TRPM3: variants seen among roughly 807,000 people sequenced by gnomAD.
TRPM3 encodes the protein long transient receptor potential channel 3.
In TRPM3, 77 loss-of-function variants were observed where a neutral mutation model predicts 181.2. The observed-to-expected ratio is 0.42, with a 90% CI of 0.35 to 0.51. The LOEUF is 0.51. Ranked by LOEUF, TRPM3 falls within the 20% of genes least tolerant of loss-of-function variation. TRPM3 has a pLI of 0.01. For synonymous variants in TRPM3, 745 were observed against 796.4 expected (o/e 0.94, Z 1.09); for missense variants, 1,759 against 2,196.7 (o/e 0.80, Z 3.98).
intron 9 of TRPM3, among the ~76,000 whole-genome samples, chr9:70,651,770 T>C (rs1471289296): frequency 6.6e-6 from 1 of 152,212 alleles, no homozygotes; most frequent in Non-Finnish European, 1.5e-5. Context: ...TCTTTCTTTC[T>C]TTTTTCTTTA....
intron 1 of TRPM3, among the ~76,000 whole-genome samples, chr9:71,200,603 A>G (rs1431786690): frequency 2.6e-5 from 4 of 152,150 alleles, no homozygotes; most frequent in Admixed American, 6.5e-5. Context: ...CTTCTTGTTG[A>G]ATTGATCCCT....
chr9:70,913,759 C>T (rs919315136), intron 1 of TRPM3, among the ~76,000 whole-genome samples: 1 of 152,068 alleles, frequency 6.6e-6, no homozygotes, highest in African/African-American at 2.4e-5. Context: ...ATACTCTGAG[C>T]AACTCAATGT....
intron 1 of TRPM3, among the ~76,000 whole-genome samples, chr9:70,972,924 A>T (rs1386876111): frequency 2.0e-5 from 3 of 152,116 alleles, no homozygotes. Flanking sequence ...CCATGTTCTG[A>T]CTTTGGAATC....
chr9:71,042,644 A>C (rs1000668549), intron 1 of TRPM3, among the ~76,000 whole-genome samples: 1 of 152,154 alleles, frequency 6.6e-6, no homozygotes, highest in African/African-American at 2.4e-5. Flanking sequence ...AAAAGAAGTG[A>C]CCTTTGGATG....
chr9:71,240,804 C>G (rs529432956), intron 1 of TRPM3, among the ~76,000 whole-genome samples: 89 of 152,166 alleles, frequency 5.8e-4, no homozygotes, highest in Non-Finnish European at 1.1e-3. Context: ...AGTCTGCACT[C>G]TACCCATCCT....
chr9:70,857,314 C>A (rs2095412153), intron 3 of TRPM3, among the ~76,000 whole-genome samples: 1 of 150,552 alleles, frequency 6.6e-6, no homozygotes, highest in Non-Finnish European at 1.5e-5. Context: ...CAATTTTTCT[C>A]TGTCAAGGGC....
In TRPM3 at chr9:70,942,648, A is replaced by T. The variant is rs568442740; in HGVS notation, c.178-78137T>A. 2.0e-5 allele frequency among the ~76,000 whole-genome samples: 3 copies of T among 152,162 alleles called. No homozygotes were observed. In the East Asian group the frequency reaches 5.8e-4, roughly 29 times the overall value. ...TTCCGTGCCTTTTATCTCCACTAGC[A>T]TGGCTCTTCAAGTTCAGAAGCAAAG... On this transcript the variant is annotated intron_variant, in intron 1 of 25. Transcript: ENST00000677713.
Position 70,831,981 on chromosome 9 carries a change from A to ATATATATATATATATATATT in TRPM3, c.802-3964_802-3963insAATATATATATATATATATA, listed in dbSNP as rs1564497373. 6.1e-4 allele frequency among the ~76,000 whole-genome samples: 73 copies of ATATATATATATATATATATT among 119,394 alleles called. 2 individuals carry two copies. The Middle Eastern group carries it at 0.019, about 31-fold the overall frequency. The allele number at this position is 119,394 out of a possible 152,430, so 78.3% of individuals were successfully genotyped here. On this transcript the variant is annotated intron_variant, in intron 5 of 25. Transcript: ENST00000677713. ...CCCATAAATATATATATATATATAT[A>ATATATATATATATATATATT]TATATATATATATATACCTACTATG...
rs989267933 is a variant in TRPM3 at position 70,537,201 on chromosome 9, G to A, written c.3912C>T (p.Ala1304=). 1.2e-5 allele frequency: 19 copies of A among 1,594,478 alleles called. No individual in the cohort carries two copies. Among genetic ancestry groups the A allele is most frequent in the African/African-American group, 5.4e-5 (4 of 74,456 alleles). Residue 1304 remains alanine (A), a synonymous_variant, in exon 26 of 26, where the codon GCC becomes GCT. Coordinates refer to ENST00000677713, the MANE Select transcript of TRPM3 (RefSeq NM_001366145.2). ...AGCTGCTCTGACGGACAATGTAGGC[G>A]GCGTCCGTGCAGTCTGACGAGGTCC... The part of the protein sequence containing the change: ...RSRTSSDCTD[A]AYIVRQSSFN...
At chr9:71,288,748 T>C (rs1532803) in intron 1 of TRPM3, among the ~76,000 whole-genome samples, 44,171 of 151,812 alleles carry the variant, frequency 0.29, 7,132 homozygotes, top group African/African-American at 0.43. Flanking sequence ...TGACTCAGAG[T>C]CTAGATTTTT....
Position 71,134,029 on chromosome 9 carries a change from G to A in TRPM3, c.184-269518C>T, listed in dbSNP as rs1035781980. 1.3e-4 allele frequency among the ~76,000 whole-genome samples: 19 copies of A among 151,608 alleles called. No individual in the cohort carries two copies. The South Asian group carries it at 1.5e-3, about 12-fold the overall frequency. ...TGTGTGTGTGTGCGCGTGCGCGCGC[G>A]CGCGTGTCTGTGTTTGCATCTCAAT... is the stretch of plus-strand genomic sequence containing the variant. On this transcript the variant is annotated intron_variant, in intron 1 of 24. Transcript: ENST00000357533.
At chr9:71,149,069 T>C (rs10116082) in intron 1 of TRPM3, among the ~76,000 whole-genome samples, 35,894 of 151,802 alleles carry the variant, frequency 0.24, 4,965 homozygotes, top group African/African-American at 0.39. Flanking sequence ...AATCAACCAA[T>C]TGTAAAGAGA....
intron 3 of TRPM3, among the ~76,000 whole-genome samples, chr9:70,851,462 C>T (rs1402723021): frequency 1.3e-5 from 2 of 152,130 alleles, no homozygotes; most frequent in Admixed American, 6.5e-5. Flanking sequence ...GAATAAGCCT[C>T]CCTTGATAGA....
chr9:71,115,531 G>T (rs533448696), intron 1 of TRPM3, among the ~76,000 whole-genome samples: 1 of 152,226 alleles, frequency 6.6e-6, no homozygotes, highest in Non-Finnish European at 1.5e-5. Context: ...TTTGGAGCCA[G>T]TTGAGGATAC....
At chr9:71,243,391 G>A (rs1016996772) in intron 1 of TRPM3, among the ~76,000 whole-genome samples, 5 of 152,182 alleles carry the variant, frequency 3.3e-5, no homozygotes, top group Non-Finnish European at 5.9e-5. Context: ...CATCTCCGCT[G>A]TGCAGCTGTC....
chr9:71,341,430 A>G (rs1355130719), intron 1 of TRPM3, among the ~76,000 whole-genome samples: 3 of 152,148 alleles, frequency 2.0e-5, no homozygotes, highest in African/African-American at 4.8e-5. Context: ...TGAGAAGGGC[A>G]TATCACTTCT....
At chr9:71,086,004 TGCCACACA>T (rs2065195057) in intron 1 of TRPM3, among the ~76,000 whole-genome samples, 1 of 151,922 alleles carries the variant, frequency 6.6e-6, no homozygotes, top group Non-Finnish European at 1.5e-5. Flanking sequence ...CACCATAGAA[TGCCACACA>T]GCCACATAAA....
At chr9:70,558,014 A>G (rs2048152226) in intron 22 of TRPM3, among the ~76,000 whole-genome samples, 1 of 152,182 alleles carries the variant, frequency 6.6e-6, no homozygotes, top group African/African-American at 2.4e-5. Context: ...GGAGAAGGTT[A>G]ATCAGTGTAT....
At chr9:71,276,252 C>T (rs2084205832) in intron 1 of TRPM3, among the ~76,000 whole-genome samples, 1 of 151,992 alleles carries the variant, frequency 6.6e-6, no homozygotes, top group Admixed American at 6.6e-5. Context: ...ATGAAGCACA[C>T]ATATGTGAAA....
Sources: allele counts gnomAD v4.1 joint callset (sites outside exome capture counted in the v4.1 genomes callset), GRCh38; gene constraint gnomAD v4.1.1; transcripts MANE v1.5; gene names NCBI Gene and HGNC (gene_info 2026-07-23, HGNC 2026-07-21).